ZYG11B: variants seen among roughly 807,000 people sequenced by gnomAD.
ZYG11B encodes protein zyg-11 homolog B.
In ZYG11B, 36 loss-of-function variants were observed where a neutral mutation model predicts 82.4. The ratio of observed to expected loss-of-function variants is 0.44; its 90% confidence interval spans 0.33 to 0.58. The LOEUF (loss-of-function observed/expected upper bound fraction) is 0.58. Ranked by LOEUF, ZYG11B falls within the 20% of genes least tolerant of loss-of-function variation. ZYG11B has a pLI of 0.02. For missense variants in ZYG11B, 552 were observed against 895.6 expected (o/e 0.62, Z 4.90); for synonymous variants, 303 against 312.8 (o/e 0.97, Z 0.33).
intron 10 of ZYG11B, among the ~76,000 whole-genome samples, chr1:52,802,894 C>T (rs959050965): frequency 2.0e-5 from 3 of 151,224 alleles, no homozygotes; most frequent in East Asian, 1.9e-4. Flanking sequence ...GTGGCACGCG[C>T]CTGTAGTCCT....
At chr1:52,761,167 A>G (rs1455807770) in intron 2 of ZYG11B, among the ~76,000 whole-genome samples, 1 of 152,218 alleles carries the variant, frequency 6.6e-6, no homozygotes, top group Non-Finnish European at 1.5e-5. Context: ...AGTAATTAGC[A>G]TATTCATCAT....
At chr1:52,784,705 T>A (rs952542881) in intron 4 of ZYG11B, among the ~76,000 whole-genome samples, 172 bp from the exon 5 acceptor site, 1 of 152,184 alleles carries the variant, frequency 6.6e-6, no homozygotes, top group Non-Finnish European at 1.5e-5. Context: ...CTTGGTGAGG[T>A]AGACTGGAAC....
intron 1 of ZYG11B, among the ~76,000 whole-genome samples, chr1:52,731,433 C>G (rs1644332032): frequency 6.6e-6 from 1 of 152,162 alleles, no homozygotes; most frequent in Non-Finnish European, 1.5e-5. Context: ...CTAGGTCACT[C>G]TCCTCTTTAT....
chr1:52,771,379 C>T lies in ZYG11B; in HGVS notation c.556C>T (p.Pro186Ser). ...NEDLAEVASL[P>S]RLESLDISNT... ...AGACCTGGCTGAAGTTGCCTCATTG[C>T]CAAGATTAGAGAGCTTGGATATTTC... The change falls in exon 3 of 14, where the codon CCA (proline) becomes TCA (serine). Residue 186 changes from proline (P) to serine (S), a missense_variant. Pro to Ser is a moderately conservative substitution (Grantham distance 74). This residue lies in a region of ZYG11B where 359 missense variants were observed against 555.8 expected (regional missense o/e 0.65). Transcript: ENST00000294353. This position sits in a 1 kb window ranked among gnomAD's most constrained non-coding sequence, Gnocchi z 5.4. 1 of 1,614,126 alleles carries T rather than the reference C, an allele frequency of 6.2e-7. No individual in the cohort carries two copies. Among genetic ancestry groups the T allele is most frequent in the Non-Finnish European group, 8.5e-7 (1 of 1,180,044 alleles).
At chr1:52,749,001 G>A (rs754127589) in intron 1 of ZYG11B, among the ~76,000 whole-genome samples, 9 of 151,724 alleles carry the variant, frequency 5.9e-5, no homozygotes, top group Non-Finnish European at 8.8e-5. Context: ...AGGAGTTCAA[G>A]ACCAGTCTGG....
intron 6 of ZYG11B, among the ~76,000 whole-genome samples, chr1:52,790,715 C>CAA (rs755866491): frequency 0.08 from 3,978 of 49,502 alleles, 438 homozygotes; most frequent in East Asian, 0.3. Flanking sequence ...AAGACTGTCT[C>CAA]AAAAAAAAAA....
chr1:52,826,148 A>G lies in ZYG11B; in HGVS notation c.*4519A>G, dbSNP rs938691239. On this transcript the variant is annotated 3_prime_UTR_variant, in exon 14 of 14. Coordinates refer to ENST00000294353, the MANE Select transcript of ZYG11B (RefSeq NM_024646.3). ...ACTGAAGGCATAAGTTAAAGGAAGT[A>G]TGTTACTTTGAGCTGATGTAGGCTC... is the stretch of plus-strand genomic sequence containing the variant. The G allele has an allele frequency of 6.6e-6, 1 of 152,206 alleles. No individual in the cohort carries two copies. The highest frequency in any genetic ancestry group is 2.1e-4 in the South Asian group (1 of 4,834). 9.4% of individuals were successfully genotyped at this position (152,206 alleles called of 1,614,324 possible). A position where few individuals can be genotyped will look rare whatever the true frequency, so the allele number is the denominator to read the frequency against.
chr1:52,821,677 T>G lies in ZYG11B; in HGVS notation c.*48T>G. ...GAATCACAGGAATCCTTTTTGTGAT[T>G]GGTCCATTTGGAATATCTTACCCTC... On this transcript the variant is annotated 3_prime_UTR_variant, in exon 14 of 14. Transcript: ENST00000294353. 6.5e-7 allele frequency: 1 copy of G among 1,535,560 alleles called. No homozygotes were observed. Among genetic ancestry groups the G allele is most frequent in the Non-Finnish European group, 8.8e-7 (1 of 1,131,240 alleles).
rs1644753703 is a variant in ZYG11B at position 52,771,795 on chromosome 1, T to C, written c.951+21T>C. 1 of 1,587,194 alleles carries C rather than the reference T, an allele frequency of 6.3e-7. No individual in the cohort carries two copies. Among genetic ancestry groups the C allele is most frequent in the Non-Finnish European group, 8.6e-7 (1 of 1,167,206 alleles). ...TGAAGGTTAGACTTTAAAAATGTAT[T>C]ATTTTGTCAGGCTGACCAATATCTT... On this transcript the variant is annotated intron_variant, in intron 3 of 13. Transcript: ENST00000294353. The surrounding 1 kb of genome is among the most constrained non-coding windows in gnomAD (Gnocchi z 5.4).
At chr1:52,802,421 C>T (rs1474957979) in intron 10 of ZYG11B, among the ~76,000 whole-genome samples, 1 of 143,988 alleles carries the variant, frequency 6.9e-6, no homozygotes, top group Non-Finnish European at 1.5e-5. Context: ...GATCACAGCT[C>T]ACTGCAGCCT....
In ZYG11B at chr1:52,741,683, A is replaced by G. The variant is rs117055173; in HGVS notation, c.31-14775A>G. ...AGAAGAAAATGCGGGGTTTTTTTCT[A>G]TGCAGCTGATATTCTGTGGTAATAA... On this transcript the variant is annotated intron_variant, in intron 1 of 13. Transcript: ENST00000294353. Among the ~76,000 whole-genome samples, 17 of 152,252 alleles carry G rather than the reference A, an allele frequency of 1.1e-4. No individual in the cohort carries two copies. The East Asian group carries it at 2.9e-3, about 26-fold the overall frequency.
chr1:52,754,855 T>C (rs1644558642), intron 1 of ZYG11B, among the ~76,000 whole-genome samples: 1 of 152,192 alleles, frequency 6.6e-6, no homozygotes, highest in Admixed American at 6.6e-5. Flanking sequence ...GACCTTGATC[T>C]ATTTTGTGGT....
chr1:52,756,958 C>T (rs1035274900), intron 2 of ZYG11B, among the ~76,000 whole-genome samples: 4 of 151,162 alleles, frequency 2.6e-5, no homozygotes, highest in Non-Finnish European at 5.9e-5. Context: ...GCTGGGACCA[C>T]AGGCTTGTGC....
chr1:52,813,453 G>A, intron 10 of ZYG11B, 83 bp from the exon 11 acceptor site: 1 of 1,077,998 alleles, frequency 9.3e-7, no homozygotes, highest in South Asian at 1.7e-5. Context: ...TGAATTGCCT[G>A]TTATCCAGGG....
At chr1:52,817,801 A>T (rs868490783) in intron 13 of ZYG11B, among the ~76,000 whole-genome samples, 3 of 44,648 alleles carry the variant, frequency 6.7e-5, no homozygotes, top group Non-Finnish European at 9.5e-5. Context: ...ATATATATAT[A>T]TATATATATA....
Position 52,732,330 on chromosome 1 carries a change from G to T in ZYG11B, c.30+5647G>T, listed in dbSNP as rs139819854. Among the ~76,000 whole-genome samples the T allele has an allele frequency of 5.2e-3, 794 of 152,230 alleles. 7 individuals are homozygous for T. The highest frequency in any genetic ancestry group is 0.019 in the African/African-American group (771 of 41,532). On this transcript the variant is annotated intron_variant, in intron 1 of 13. Transcript: ENST00000294353. ...AGTGGAGAAATGTCCTACAATAGGA[G>T]GGAAATCTTACTAAATTTCCTTCTT...
chr1:52,766,617 G>C (rs1558126302), intron 2 of ZYG11B, among the ~76,000 whole-genome samples: 1 of 152,088 alleles, frequency 6.6e-6, no homozygotes, highest in Non-Finnish European at 1.5e-5. Context: ...GGTGATATGA[G>C]ACTTTTCTGT....
chr1:52,761,474 A>G (rs1053344808), intron 2 of ZYG11B, among the ~76,000 whole-genome samples: 4 of 152,118 alleles, frequency 2.6e-5, no homozygotes, highest in African/African-American at 9.7e-5. Flanking sequence ...CACTTAACAT[A>G]ATGTCCTCCA....
At chr1:52,816,729 G>T in intron 13 of ZYG11B, 100 bp downstream of exon 13, 3 of 679,508 alleles carry the variant, frequency 4.4e-6, no homozygotes, top group Non-Finnish European at 7.3e-6. Context: ...TGATTTTTAA[G>T]AACACTGACT....
Sources: gnomAD v4.1 joint callset for allele counts (sites outside exome capture counted in the v4.1 genomes callset) on GRCh38, gnomAD v4.1.1 for gene constraint, gnomAD v4.1.1 regional missense constraint, Gnocchi (gnomAD v3.1) non-coding constraint, MANE v1.5 for transcripts, NCBI Gene and HGNC (gene_info 2026-07-23, HGNC 2026-07-21) for gene names.